AATK: variants seen among roughly 807,000 people sequenced by gnomAD.
The protein encoded by AATK is lemur tail kinase 1.
Under a neutral mutation model 114.3 loss-of-function variants are expected in AATK, and 91 were observed. That is an observed-to-expected ratio of 0.80 (90% CI 0.67 to 0.95). AATK has a LOEUF of 0.95. Among genes scored for constraint, AATK ranks in the 40% least tolerant of loss-of-function variants. The pLI is 0.00. For synonymous variants in AATK, 1,075 were observed against 916.5 expected (o/e 1.17, Z -3.12); for missense variants, 2,176 against 1,965.2 (o/e 1.11, Z -2.03).
intron 1 of AATK, among the ~76,000 whole-genome samples, chr17:81,156,763 T>C (rs563676335): frequency 1.3e-5 from 2 of 152,316 alleles, no homozygotes; most frequent in East Asian, 3.9e-4. Context: ...ATTTTGACCT[T>C]TTGGGATTTC....
At chr17:81,137,370 T>G (rs1029171133) in intron 1 of AATK, among the ~76,000 whole-genome samples, 1 of 152,042 alleles carries the variant, frequency 6.6e-6, no homozygotes, top group Non-Finnish European at 1.5e-5. Context: ...CCTGTCCTCG[T>G]GGCCACGAGA....
chr17:81,126,606 G>T lies in AATK; in HGVS notation c.622-46C>A, dbSNP rs1242633389. The stretch of plus-strand genomic sequence containing the variant: ...GCAGTCACCAGCAGGCTGGGGGCTG[G>T]CCACCCTGGGAGGTCCCCACCTACC... On this transcript the variant is annotated intron_variant, in intron 6 of 13. Coordinates refer to ENST00000326724, the MANE Select transcript of AATK (RefSeq NM_001080395.3). The surrounding 1 kb of genome is among the most constrained non-coding windows in gnomAD (Gnocchi z 5.1). The T allele has an allele frequency of 6.6e-7, 1 of 1,516,432 alleles. No individual in the cohort carries two copies. Among genetic ancestry groups the T allele is most frequent in the African/African-American group, 1.4e-5 (1 of 72,396 alleles). The allele number at this position is 1,516,432 out of a possible 1,614,324, so 93.9% of individuals were successfully genotyped here.
rs375075298 is a variant in AATK at position 81,118,416 on chromosome 17, T to C, written c.4111A>G (p.Ser1371Gly). Residue 1371 changes from serine to glycine, a missense_variant, in exon 14 of 14, where the codon AGT becomes GGT. Coordinates refer to ENST00000326724, the MANE Select transcript of AATK (RefSeq NM_001080395.3). ...CTGCCCAGGTCTCAAGCCTCTTTACTCTCACCCCCGGCACCAGCTTCAGGT... is the reference window on the plus strand; with the variant it reads ...CTGCCCAGGTCTCAAGCCTCTTTACCCTCACCCCCGGCACCAGCTTCAGGT... ...RGPEAGAGGE[S>G]KEA is the part of the protein sequence containing the mutation. 1.4e-5 allele frequency: 23 copies of C among 1,608,686 alleles called. No homozygotes were observed. The highest frequency in any genetic ancestry group is 1.7e-5 in the Non-Finnish European group (20 of 1,178,344).
chr17:81,132,118 C>T, intron 2 of AATK: 1 of 985,206 alleles, frequency 1.0e-6, no homozygotes, highest in Non-Finnish European at 1.4e-6. Flanking sequence ...CCAAAGTCTC[C>T]AAAGTCCTGG....
chr17:81,137,400 G>T (rs975860438), intron 1 of AATK, among the ~76,000 whole-genome samples: 5 of 152,140 alleles, frequency 3.3e-5, no homozygotes, highest in South Asian at 2.1e-4. Context: ...GCAGAGGAGG[G>T]GGGGTTCCCA....
intron 1 of AATK, 56 bp downstream of exon 1, chr17:81,165,882 T>C (rs2061483506): frequency 5.2e-6 from 8 of 1,548,946 alleles, no homozygotes; most frequent in Non-Finnish European, 7.0e-6. Flanking sequence ...CCCAGGGGCA[T>C]CACGTCCGCA....
chr17:81,136,167 C>T (rs2061006301), intron 1 of AATK: 1 of 152,498 alleles, frequency 6.6e-6, no homozygotes, highest in African/African-American at 2.4e-5. Flanking sequence ...GCCCGCCTGG[C>T]ATCAGTCCAC....
At position 81,125,019 on chromosome 17, in the gene AATK, AGGCAGGGGCAGG is replaced by A; in HGVS notation, c.756-17_756-6del. On this transcript the variant is annotated splice_polypyrimidine_tract_variant and splice_region_variant and intron_variant, in intron 7 of 13. Coordinates refer to ENST00000326724, the MANE Select transcript of AATK (RefSeq NM_001080395.3). ...CAGTTCCGCAGGGCCAGGTCGCTGC[AGGCAGGGGCAGG>A]GGCAGGGGCAGGGTGAGCAGGGTGA... 1 of 1,419,036 alleles carries A rather than the reference AGGCAGGGGCAGG, an allele frequency of 7.0e-7. No individual in the cohort carries two copies. Among genetic ancestry groups the A allele is most frequent in the South Asian group, 1.3e-5 (1 of 76,568 alleles). The allele number at this position is 1,419,036 out of a possible 1,614,324, so 87.9% of individuals were successfully genotyped here.
At chr17:81,125,373 C>T (rs1464171972) in intron 7 of AATK, 2 of 603,878 alleles carry the variant, frequency 3.3e-6, no homozygotes, top group African/African-American at 1.8e-5. Flanking sequence ...CTCTACTACA[C>T]TATCACTCTC....
chr17:81,128,911 C>A, intron 3 of AATK: 1 of 1,137,588 alleles, frequency 8.8e-7, no homozygotes, highest in Non-Finnish European at 1.1e-6. Context: ...GGGGCCACGG[C>A]ACAGAGAGGG....
In AATK at chr17:81,126,842, G is replaced by A. The variant is rs2060836420; in HGVS notation, c.622-282C>T. 5.5e-6 allele frequency: 7 copies of A among 1,272,966 alleles called. No individual in the cohort carries two copies. The South Asian group carries it at 1.5e-4, about 27-fold the overall frequency. 78.9% of individuals were successfully genotyped at this position (1,272,966 alleles called of 1,614,324 possible). A position where few individuals can be genotyped will look rare whatever the true frequency, so the allele number is the denominator to read the frequency against. ...CCTGTGGTAGAGAGAGAAACACAGG[G>A]CCCAAGTGGATCTGCTTGATGGAGT... On this transcript the variant is annotated intron_variant, in intron 6 of 13. Coordinates refer to ENST00000326724, the MANE Select transcript of AATK (RefSeq NM_001080395.3). This position sits in a 1 kb window ranked among gnomAD's most constrained non-coding sequence, Gnocchi z 5.1.
chr17:81,144,954 C>T (rs543018489), intron 1 of AATK, among the ~76,000 whole-genome samples: 7 of 152,288 alleles, frequency 4.6e-5, no homozygotes, highest in Non-Finnish European at 8.8e-5. Context: ...GACTTCAGGC[C>T]GGGCGCGGTG....
chr17:81,158,048 C>T (rs942197670), intron 1 of AATK, among the ~76,000 whole-genome samples: 3 of 152,222 alleles, frequency 2.0e-5, no homozygotes, highest in Non-Finnish European at 4.4e-5. Context: ...TCAGGCTTGC[C>T]AAGGAGGAAA....
intron 1 of AATK, among the ~76,000 whole-genome samples, chr17:81,135,364 G>A (rs943063128): frequency 2.6e-5 from 4 of 152,084 alleles, no homozygotes; most frequent in African/African-American, 9.7e-5. Flanking sequence ...TGACCCGCTG[G>A]CTCTATCCCC....
At chr17:81,138,872 C>T (rs1262139094) in intron 1 of AATK, among the ~76,000 whole-genome samples, 1 of 152,078 alleles carries the variant, frequency 6.6e-6, no homozygotes, top group Non-Finnish European at 1.5e-5. Flanking sequence ...CACATGTGCA[C>T]ACATACCCAT....
chr17:81,133,484 C>T, intron 2 of AATK: 1 of 278,424 alleles, frequency 3.6e-6, no homozygotes. Flanking sequence ...CTCCTCCCAC[C>T]CTCCTCCCTC....
chr17:81,135,301 G>A (rs1382254522), intron 1 of AATK, among the ~76,000 whole-genome samples: 1 of 152,184 alleles, frequency 6.6e-6, no homozygotes, highest in Admixed American at 6.5e-5. Flanking sequence ...GCTGCCCACA[G>A]GATGGCATGG....
At chr17:81,138,806 G>C (rs2061074554) in intron 1 of AATK, among the ~76,000 whole-genome samples, 2 of 117,686 alleles carry the variant, frequency 1.7e-5, no homozygotes, top group African/African-American at 6.5e-5. Context: ...ATACCCACTT[G>C]CGCGTGCACA....
rs1299130803 is a variant in AATK at position 81,121,397 on chromosome 17, T to C, written c.2539A>G (p.Ser847Gly). 2.5e-6 allele frequency: 4 copies of C among 1,609,768 alleles called. No individual in the cohort carries two copies. Among genetic ancestry groups the C allele is most frequent in the Admixed American group, 1.7e-5 (1 of 59,702 alleles). ...AIKLASALNGSSSSPEVEAPS... is the reference protein window; with the variant it reads ...AIKLASALNGGSSSPEVEAPS... ...GCCTCCACCTCGGGAGAGCTGCTGC[T>C]GCCATTCAGGGCAGAAGCCAGCTTG... Residue 847 changes from serine to glycine, a missense_variant, in exon 11 of 14, where the codon AGC becomes GGC. Physicochemically the swap from Ser to Gly is moderately conservative, Grantham distance 56. This residue lies in a region of AATK where 1,701 missense variants were observed against 1,394.7 expected (regional missense o/e 1.22). Coordinates refer to ENST00000326724, the MANE Select transcript of AATK (RefSeq NM_001080395.3).
Sources: allele counts gnomAD v4.1 joint callset (sites outside exome capture counted in the v4.1 genomes callset), GRCh38; gene constraint gnomAD v4.1.1; regional missense constraint gnomAD v4.1.1; non-coding constraint Gnocchi (gnomAD v3.1); transcripts MANE v1.5; gene names NCBI Gene and HGNC (gene_info 2026-07-23, HGNC 2026-07-21).